CMTM4: variants seen among roughly 807,000 people sequenced by gnomAD.
The protein encoded by CMTM4 is CKLF-like MARVEL transmembrane domain-containing protein 4.
CMTM4 carries 8 observed loss-of-function variants against 19.0 expected under a neutral mutation model. The observed-to-expected ratio is 0.42, with a 90% CI of 0.25 to 0.76. The LOEUF (loss-of-function observed/expected upper bound fraction) is 0.76. Among genes scored for constraint, CMTM4 ranks in the 30% least tolerant of loss-of-function variants. The pLI is 0.27. For missense variants in CMTM4, 228 were observed against 290.2 expected, an observed-to-expected ratio of 0.79 and a Z score of 1.56; for synonymous variants, 106 against 121.1, an observed-to-expected ratio of 0.88 and a Z score of 0.82.
At chr16:66,653,331 C>T (rs762576343) in intron 1 of CMTM4, among the ~76,000 whole-genome samples, 6 of 152,100 alleles carry the variant, frequency 3.9e-5, no homozygotes, top group Non-Finnish European at 5.9e-5. Flanking sequence ...AGATGGAAGT[C>T]CATTGGGAAA....
At chr16:66,661,455 G>A (rs890291060) in intron 1 of CMTM4, among the ~76,000 whole-genome samples, 1 of 152,170 alleles carries the variant, frequency 6.6e-6, no homozygotes, top group African/African-American at 2.4e-5. Context: ...TTTTTAGTGG[G>A]AAGTAGAGCT....
rs2015596937 is a variant in CMTM4, at chr16:66,619,878, A to C, written c.*2180T>G. ...ATCACGAAGATGCAAATTAACTCCT[A>C]AGTCACTCTCTGGCGTGTCATCCTT... On this transcript the variant is annotated 3_prime_UTR_variant, in exon 4 of 4. Coordinates refer to ENST00000394106, the MANE Select transcript of CMTM4 (RefSeq NM_181521.3). The C allele has an allele frequency of 2.0e-6, 2 of 985,300 alleles. No homozygotes were observed. Among genetic ancestry groups the C allele is most frequent in the African/African-American group, 3.5e-5 (2 of 57,226 alleles). 61.0% of individuals were successfully genotyped at this position (985,300 alleles called of 1,614,324 possible).
Position 66,622,163 on chromosome 16 carries a change from T to C in CMTM4, c.522A>G (p.Lys174=). ...YAVNTFLAVQ[K]WRVSVRQQST... Reference sequence around the variant, plus strand: ...TCTGCTGGCGGACGCTGACTCTCCATTTCTGCACTGCCAGGAATGTGTTCA... The same window carrying C: ...TCTGCTGGCGGACGCTGACTCTCCACTTCTGCACTGCCAGGAATGTGTTCA... Residue 174 remains lysine, a synonymous_variant, in exon 4 of 4, where the codon AAA becomes AAG. Transcript: ENST00000394106. This position sits in a 1 kb window ranked among gnomAD's most constrained non-coding sequence, Gnocchi z 4.0. The C allele has an allele frequency of 6.2e-7, 1 of 1,613,868 alleles. No individual in the cohort carries two copies. The highest frequency in any genetic ancestry group is 8.5e-7 in the Non-Finnish European group (1 of 1,179,938).
At chr16:66,609,709 G>A in the CMTM4 span, 1 of 1,550,728 alleles carries the variant, frequency 6.4e-7, no homozygotes, top group East Asian at 2.4e-5. The surrounding 1 kb of genome is among the most constrained non-coding windows in gnomAD (Gnocchi z 4.4). Context: ...TTGAAAGGCT[G>A]TTTGTCAAAC....
chr16:66,620,704 T>C lies in CMTM4; in HGVS notation c.*1354A>G. 1 of 985,888 alleles carries C rather than the reference T, an allele frequency of 1.0e-6. No homozygotes were observed. Among genetic ancestry groups the C allele is most frequent in the Non-Finnish European group, 1.2e-6 (1 of 829,938 alleles). 61.1% of individuals were successfully genotyped at this position (985,888 alleles called of 1,614,324 possible). On this transcript the variant is annotated 3_prime_UTR_variant, in exon 4 of 4. Coordinates refer to ENST00000394106, the MANE Select transcript of CMTM4 (RefSeq NM_181521.3). Reference sequence around the variant, plus strand: ...ATCTTCCTGCCACAGTAAGTGCTTTTTGGTGAGGGCTAAACACAAAATGTT... The same window carrying C: ...ATCTTCCTGCCACAGTAAGTGCTTTCTGGTGAGGGCTAAACACAAAATGTT...
At chr16:66,643,556 T>C (rs2016135326) in intron 1 of CMTM4, among the ~76,000 whole-genome samples, 2 of 152,218 alleles carry the variant, frequency 1.3e-5, no homozygotes, top group African/African-American at 4.8e-5. Flanking sequence ...TACAGAATTC[T>C]ATTGTCATCA....
At chr16:66,637,412 C>T (rs1253210357) in intron 1 of CMTM4, among the ~76,000 whole-genome samples, 2 of 152,012 alleles carry the variant, frequency 1.3e-5, no homozygotes, top group African/African-American at 2.4e-5. Flanking sequence ...GGTGTGGTGG[C>T]GCATGCTTGT....
chr16:66,642,672 C>T (rs1040213224), intron 1 of CMTM4, among the ~76,000 whole-genome samples: 2 of 152,112 alleles, frequency 1.3e-5, no homozygotes, highest in South Asian at 2.1e-4. Flanking sequence ...GCCGAGATCG[C>T]GCCACTGCAC....
chr16:66,677,250 A>T (rs78764676), intron 1 of CMTM4, among the ~76,000 whole-genome samples: 48 of 152,288 alleles, frequency 3.2e-4, no homozygotes, highest in African/African-American at 9.1e-4. Context: ...AAAATATATA[A>T]AAAAGAAAAG....
rs2016939614 is a variant in CMTM4, at chr16:66,682,807, T to G, written c.186+13533A>C. On this transcript the variant is annotated intron_variant, in intron 1 of 3. Transcript: ENST00000394106. ...TTTTCTTTGCCTGAAAAGTGTCTCT[T>G]GAAAGATACTTGCTTGACAGATACA... Among the ~76,000 whole-genome samples, 2 of 152,132 alleles carry G rather than the reference T, an allele frequency of 1.3e-5. 1 individual carries two copies. Among genetic ancestry groups the G allele is most frequent in the South Asian group, 4.1e-4 (2 of 4,838 alleles).
chr16:66,652,326 G>A (rs2016324983), intron 1 of CMTM4, among the ~76,000 whole-genome samples: 2 of 152,338 alleles, frequency 1.3e-5, no homozygotes, highest in East Asian at 3.9e-4. Context: ...TCTAAGTGGT[G>A]CTTACCGCAG....
intron 1 of CMTM4, among the ~76,000 whole-genome samples, chr16:66,664,681 G>C (rs2016560362): frequency 6.6e-6 from 1 of 151,380 alleles, no homozygotes; most frequent in Non-Finnish European, 1.5e-5. Context: ...AGAGATACTA[G>C]TCAAAACTCA....
intron 1 of CMTM4, among the ~76,000 whole-genome samples, chr16:66,653,350 C>T (rs1013559956): frequency 6.6e-6 from 1 of 152,000 alleles, no homozygotes; most frequent in Non-Finnish European, 1.5e-5. Context: ...AAACCCAGCT[C>T]AGTCGTGAGA....
chr16:66,631,837 G>T (rs1190837043), intron 2 of CMTM4, among the ~76,000 whole-genome samples: 2 of 152,100 alleles, frequency 1.3e-5, no homozygotes, highest in Non-Finnish European at 2.9e-5. Flanking sequence ...AGAGACCTTT[G>T]TTCACTTGTG....
chr16:66,674,823 C>T (rs1407488975), intron 1 of CMTM4, among the ~76,000 whole-genome samples: 1 of 143,714 alleles, frequency 7.0e-6, no homozygotes, highest in Non-Finnish European at 1.5e-5. Context: ...CTTACTGCAA[C>T]CTCCACCTCC....
chr16:66,657,682 C>T (rs2016423853), intron 1 of CMTM4, among the ~76,000 whole-genome samples: 1 of 152,034 alleles, frequency 6.6e-6, no homozygotes. Context: ...AAAATAAAGG[C>T]TTTTTAAATG....
chr16:66,600,112 T>C, the CMTM4 span, among the ~76,000 whole-genome samples: 1 of 146,576 alleles, frequency 6.8e-6, no homozygotes, highest in African/African-American at 2.5e-5. Context: ...AGCCATCCTT[T>C]TGTGTGTGTG....
At chr16:66,609,768 C>A, downstream of CMTM4, 1 of 1,602,766 alleles carries the variant, frequency 6.2e-7, no homozygotes, top group Non-Finnish European at 8.5e-7. The surrounding 1 kb of genome is among the most constrained non-coding windows in gnomAD (Gnocchi z 4.4). Flanking sequence ...GGGGTCTGTG[C>A]CTGACACTCG....
chr16:66,633,773 G>C (rs962941001), intron 2 of CMTM4, among the ~76,000 whole-genome samples: 1 of 147,726 alleles, frequency 6.8e-6, no homozygotes, highest in Non-Finnish European at 1.5e-5. Flanking sequence ...AGCCGAGATC[G>C]CACCACTGCA....
Sources: gnomAD v4.1 joint callset for allele counts (sites outside exome capture counted in the v4.1 genomes callset) on GRCh38, gnomAD v4.1.1 for gene constraint, Gnocchi (gnomAD v3.1) non-coding constraint, MANE v1.5 for transcripts, NCBI Gene and HGNC (gene_info 2026-07-23, HGNC 2026-07-21) for gene names.